The following LOXL2 variants were observed in gnomAD, a reference collection of about 807,000 sequenced individuals.
LOXL2 encodes the protein lysyl oxidase like 2, also known as lysyl oxidase homolog 2.
In LOXL2, 70 loss-of-function variants were observed where a neutral mutation model predicts 93.0. The observed-to-expected ratio is 0.75, with a 90% CI of 0.62 to 0.92. The LOEUF is 0.92. LOXL2 is among the 40% of genes least tolerant of loss of function. The pLI is 0.00. For missense variants in LOXL2, 973 were observed against 1,054.9 expected, an observed-to-expected ratio of 0.92 and a Z score of 1.08; for synonymous variants, 438 against 413.2, an observed-to-expected ratio of 1.06 and a Z score of -0.73.
chr8:23,344,561 G>GTGTGTGTCTCTGGGAT (rs1007866124), intron 3 of LOXL2, among the ~76,000 whole-genome samples: 1 of 151,968 alleles, frequency 6.6e-6, no homozygotes, highest in African/African-American at 2.4e-5. Context: ...ATGTCTCTGT[G>GTGTGTGTCTCTGGGAT]TGTGTGTCTC....
chr8:23,347,885 C>T (rs1804020263), intron 3 of LOXL2, among the ~76,000 whole-genome samples: 1 of 152,116 alleles, frequency 6.6e-6, no homozygotes. Context: ...AATCATGCTA[C>T]TATAAAGACA....
chr8:23,345,949 T>C (rs1803964894), intron 3 of LOXL2, among the ~76,000 whole-genome samples: 1 of 151,696 alleles, frequency 6.6e-6, no homozygotes, highest in African/African-American at 2.4e-5. Context: ...GCGCCTGTAG[T>C]CCCAGCTACT....
chr8:23,385,247 T>TC (rs970726975), intron 1 of LOXL2, among the ~76,000 whole-genome samples: 6 of 115,544 alleles, frequency 5.2e-5, no homozygotes, highest in East Asian at 2.2e-4. Flanking sequence ...TTTTTTTCTT[T>TC]TTTTTTTTTT....
chr8:23,386,048 A>G (rs1804755235), intron 1 of LOXL2: 2 of 765,044 alleles, frequency 2.6e-6, no homozygotes, highest in Admixed American at 1.7e-5. Flanking sequence ...CTATTTTCCT[A>G]AGGAAAAACC....
chr8:23,386,961 T>C (rs1334366473), intron 1 of LOXL2, among the ~76,000 whole-genome samples: 1 of 151,876 alleles, frequency 6.6e-6, no homozygotes, highest in Non-Finnish European at 1.5e-5. Flanking sequence ...CCTTGGAGAG[T>C]ATCCTGTTCA....
At position 23,312,005 on chromosome 8, in the gene LOXL2, G is replaced by C. The variant is rs113197487; in HGVS notation, c.1637-2094C>G. Among the ~76,000 whole-genome samples the C allele has an allele frequency of 4.3e-3, 653 of 152,290 alleles. 7 individuals are homozygous for C. The highest frequency in any genetic ancestry group is 0.015 in the African/African-American group (615 of 41,554). On this transcript the variant is annotated intron_variant, in intron 9 of 13. Coordinates refer to ENST00000389131, the MANE Select transcript of LOXL2 (RefSeq NM_002318.3). ...TGTGCCGAAATACAAACTACCATCA[G>C]AGAATACTACAAACACCTCTACACA...
At chr8:23,339,000 C>G (rs1047400631) in intron 4 of LOXL2, among the ~76,000 whole-genome samples, 20 of 152,344 alleles carry the variant, frequency 1.3e-4, no homozygotes, top group African/African-American at 4.8e-4. Flanking sequence ...TGTTCTCTTC[C>G]AGGCAGACCC....
intron 12 of LOXL2, among the ~76,000 whole-genome samples, chr8:23,299,674 G>A (rs1803095556): frequency 6.6e-6 from 1 of 152,186 alleles, no homozygotes; most frequent in African/African-American, 2.4e-5. Context: ...AGACAACAGT[G>A]GTGAACAGAG....
intron 10 of LOXL2, among the ~76,000 whole-genome samples, chr8:23,306,473 C>T (rs1452153199): frequency 1.4e-4 from 22 of 152,246 alleles, no homozygotes; most frequent in Admixed American, 1.4e-3. Flanking sequence ...CTGCTAGCTC[C>T]ACGCCCCCAT....
chr8:23,319,849 G>T, intron 8 of LOXL2, 36 bp downstream of exon 8: 1 of 1,603,840 alleles, frequency 6.2e-7, no homozygotes. Flanking sequence ...GACTGCATGG[G>T]GGGTGAATGC....
At chr8:23,327,733 A>T (rs1803603779) in intron 6 of LOXL2, among the ~76,000 whole-genome samples, 1 of 152,012 alleles carries the variant, frequency 6.6e-6, no homozygotes, top group South Asian at 2.1e-4. Context: ...TGGGGAGGAG[A>T]AATGACCTCT....
chr8:23,306,855 C>T (rs932233882), intron 10 of LOXL2, among the ~76,000 whole-genome samples: 9 of 152,216 alleles, frequency 5.9e-5, no homozygotes, highest in African/African-American at 2.2e-4. Flanking sequence ...GCGGTGGCCC[C>T]ACAAGAGGCA....
intron 4 of LOXL2, among the ~76,000 whole-genome samples, chr8:23,335,931 C>G (rs1426811820): frequency 6.6e-6 from 1 of 152,204 alleles, no homozygotes; most frequent in Non-Finnish European, 1.5e-5. Context: ...TTGCTGAGGA[C>G]TATCCTGGCA....
chr8:23,371,229 T>A (rs1804487725), intron 1 of LOXL2: 1 of 151,896 alleles, frequency 6.6e-6, no homozygotes, highest in South Asian at 2.1e-4. Context: ...AATAAGGACA[T>A]CCCAGATAAA....
chr8:23,322,711 G>A (rs1803515154), intron 6 of LOXL2, among the ~76,000 whole-genome samples: 1 of 152,182 alleles, frequency 6.6e-6, no homozygotes, highest in African/African-American at 2.4e-5. Context: ...GTACAAATTG[G>A]ATTGAGTTAG....
intron 1 of LOXL2, among the ~76,000 whole-genome samples, chr8:23,379,444 C>G (rs1052442130): frequency 2.0e-5 from 3 of 152,188 alleles, no homozygotes; most frequent in African/African-American, 7.2e-5. Flanking sequence ...GCTGGGAGAA[C>G]CACTACTCTC....
rs1803468180 is a variant in LOXL2 at position 23,319,979 on chromosome 8, A to C, written c.1376T>G (p.Val459Gly). ...GTTTTGGCCACACACCATCCCCCACACAAGGGACCCGTTTCTCTCCACCAG... is the reference window on the plus strand; with the variant it reads ...GTTTTGGCCACACACCATCCCCCACCCAAGGGACCCGTTTCTCTCCACCAG... ...EVLVERNGSL[V>G]WGMVCGQNWG... The change falls in exon 8 of 14, where the codon GTG becomes GGG. Residue 459 changes from valine to glycine, a missense_variant. Transcript: ENST00000389131. The C allele has an allele frequency of 1.2e-6, 2 of 1,614,056 alleles. No individual in the cohort carries two copies. The highest frequency in any genetic ancestry group is 1.1e-5 in the South Asian group (1 of 91,082).
rs200343618 is a variant in LOXL2, at chr8:23,328,484, C to T, written c.1048G>A (p.Val350Ile). The T allele has an allele frequency of 3.2e-5, 51 of 1,614,008 alleles. No homozygotes were observed. The Admixed American group carries it at 3.8e-4, about 12-fold the overall frequency. The part of the protein sequence containing the change: ...EVLKNGEWGT[V>I]CDDKWDLVSA... The stretch of plus-strand genomic sequence containing the variant: ...ACCAGGTCCCACTTGTCGTCGCAGA[C>T]GGTCCCCCATTCTCCATTTTTGAGC... The change falls in exon 6 of 14, where the codon GTC (valine) becomes ATC (isoleucine). Residue 350 changes from valine (V) to isoleucine (I), a missense_variant. By Grantham distance (29) the Val-to-Ile change is conservative (BLOSUM62 3). Coordinates refer to ENST00000389131, the MANE Select transcript of LOXL2 (RefSeq NM_002318.3).
intron 1 of LOXL2, among the ~76,000 whole-genome samples, chr8:23,391,048 G>A (rs1283998220): frequency 6.6e-6 from 1 of 152,142 alleles, no homozygotes; most frequent in East Asian, 1.9e-4. Context: ...ATCAGCTCTT[G>A]TGAGACTTAT....
Sources: gnomAD v4.1 joint callset for allele counts (sites outside exome capture counted in the v4.1 genomes callset) on GRCh38, gnomAD v4.1.1 for gene constraint, MANE v1.5 for transcripts, NCBI Gene and HGNC (gene_info 2026-07-23, HGNC 2026-07-21) for gene names.